The following SEC11A variants were observed in gnomAD, a reference collection of about 807,000 sequenced individuals.
SEC11A encodes SEC11 homolog A, signal peptidase complex subunit, also known as signal peptidase complex catalytic subunit SEC11A.
SEC11A carries 14 observed loss-of-function variants against 25.6 expected under a neutral mutation model. That is an observed-to-expected ratio of 0.55 (90% CI 0.36 to 0.85). SEC11A has a LOEUF of 0.85. SEC11A is among the 40% of genes least tolerant of loss of function. SEC11A has a pLI of 0.01. For missense variants in SEC11A, 153 were observed against 222.9 expected, an observed-to-expected ratio of 0.69 and a Z score of 2.00; for synonymous variants, 83 against 76.4, an observed-to-expected ratio of 1.09 and a Z score of -0.45.
chr15:84,685,224 A>T (rs1406163065), intron 3 of SEC11A, among the ~76,000 whole-genome samples: 1 of 152,014 alleles, frequency 6.6e-6, no homozygotes, highest in Non-Finnish European at 1.5e-5. Context: ...GCAGTTTTAA[A>T]CTTAAGTCTA....
intron 1 of SEC11A, among the ~76,000 whole-genome samples, chr15:84,711,781 CAAAAAA>C (rs60088964): frequency 1.1e-5 from 1 of 93,104 alleles, no homozygotes; most frequent in Admixed American, 1.1e-4. Context: ...GACTCTATCT[CAAAAAA>C]AAAAAAAAAA....
chr15:84,683,025 T>C (rs1016665667), intron 3 of SEC11A, among the ~76,000 whole-genome samples: 1 of 151,986 alleles, frequency 6.6e-6, no homozygotes, highest in African/African-American at 2.4e-5. Context: ...TGGGAGGTGT[T>C]GCAAACACCA....
At chr15:84,698,427 T>C (rs917478476) in intron 1 of SEC11A, among the ~76,000 whole-genome samples, 4 of 152,180 alleles carry the variant, frequency 2.6e-5, no homozygotes. Flanking sequence ...TCTCCTGCTT[T>C]CTAACTCATG....
intron 4 of SEC11A, chr15:84,671,187 A>G (rs1034964949): frequency 1.0e-4 from 16 of 154,056 alleles, no homozygotes; most frequent in Non-Finnish European, 2.9e-5. Flanking sequence ...AAAGTACTTC[A>G]TGTTAAGTGG....
intron 3 of SEC11A, 121 bp from the exon 4 acceptor site, chr15:84,680,953 C>A: frequency 5.3e-6 from 4 of 761,734 alleles, no homozygotes; most frequent in South Asian, 2.8e-5. Flanking sequence ...ATTCTAGTGT[C>A]GAAATAATTA....
intron 3 of SEC11A, among the ~76,000 whole-genome samples, chr15:84,686,275 G>A (rs897239042): frequency 6.6e-6 from 1 of 152,062 alleles, no homozygotes; most frequent in African/African-American, 2.4e-5. Flanking sequence ...AATGTTTATA[G>A]GAATTTCAAA....
intron 2 of SEC11A, among the ~76,000 whole-genome samples, chr15:84,688,535 C>T (rs1337372678): frequency 6.6e-6 from 1 of 152,108 alleles, no homozygotes; most frequent in African/African-American, 2.4e-5. Context: ...AAGAAGTAGC[C>T]CATCAGTCTT....
intron 1 of SEC11A, 63 bp downstream of exon 1, chr15:84,715,962 C>T: frequency 6.6e-7 from 1 of 1,520,726 alleles, no homozygotes; most frequent in South Asian, 1.1e-5. Context: ...TCCGCCGGGC[C>T]CCGCAGCAGC....
rs544180686 is a variant in SEC11A at position 84,687,897 on chromosome 15, A to G, written c.162-123T>C. On this transcript the variant is annotated intron_variant, in intron 2 of 5. Coordinates refer to ENST00000268220, the MANE Select transcript of SEC11A (RefSeq NM_014300.4). ...GAGTATACTCAATACCCTAACAACT[A>G]TATCAACAGAAATGTGTATTGTTCT... 2.2e-4 allele frequency: 172 copies of G among 767,148 alleles called. 1 individual carries two copies. The African/African-American group carries it at 2.9e-3, about 13-fold the overall frequency. The allele number at this position is 767,148 out of a possible 1,614,324, so 47.5% of individuals were successfully genotyped here. A position where few individuals can be genotyped will look rare whatever the true frequency, so the allele number is the denominator to read the frequency against.
At chr15:84,687,431 GA>G (rs1897460780) in intron 3 of SEC11A, among the ~76,000 whole-genome samples, 193 bp downstream of exon 3, 1 of 152,216 alleles carries the variant, frequency 6.6e-6, no homozygotes, top group Non-Finnish European at 1.5e-5. Flanking sequence ...AACCTTCAGG[GA>G]AAGAAATGAA....
intron 2 of SEC11A, among the ~76,000 whole-genome samples, chr15:84,691,225 C>T (rs1204451381): frequency 1.3e-5 from 2 of 151,934 alleles, no homozygotes; most frequent in African/African-American, 4.8e-5. Flanking sequence ...CAGGTCCATG[C>T]CACCACACCC....
At chr15:84,688,882 T>C (rs1188749288) in intron 2 of SEC11A, among the ~76,000 whole-genome samples, 1 of 151,810 alleles carries the variant, frequency 6.6e-6, no homozygotes, top group Non-Finnish European at 1.5e-5. Context: ...AATACAAAAA[T>C]TAGGTGAGCA....
At chr15:84,694,068 G>A (rs1010795148) in intron 1 of SEC11A, among the ~76,000 whole-genome samples, 1 of 151,986 alleles carries the variant, frequency 6.6e-6, no homozygotes, top group Admixed American at 6.6e-5. Flanking sequence ...AGAAAATATG[G>A]AAGAAGCCAG....
chr15:84,670,717 ACT>A lies in SEC11A; in HGVS notation c.489+6_489+7del. On this transcript the variant is annotated splice_donor_region_variant and intron_variant, in intron 5 of 5. Coordinates refer to ENST00000268220, the MANE Select transcript of SEC11A (RefSeq NM_014300.4). ...TTTTTTAATAAAACAAATAATACAG[ACT>A]CTTACCTTAAATTTAGGATAGTCAT... is the stretch of plus-strand genomic sequence containing the variant. 16 of 1,326,240 alleles carry A rather than the reference ACT, an allele frequency of 1.2e-5. No individual in the cohort carries two copies. Among genetic ancestry groups the A allele is most frequent in the Non-Finnish European group, 1.6e-5 (15 of 947,538 alleles). 82.2% of individuals were successfully genotyped at this position (1,326,240 alleles called of 1,614,324 possible).
chr15:84,704,609 C>T (rs1898041332), intron 1 of SEC11A, among the ~76,000 whole-genome samples: 1 of 152,170 alleles, frequency 6.6e-6, no homozygotes, highest in Non-Finnish European at 1.5e-5. Flanking sequence ...CCCAGTGGGT[C>T]TGTGTGTTGG....
chr15:84,708,205 C>CA (rs71132699), intron 1 of SEC11A, among the ~76,000 whole-genome samples: 15,967 of 35,352 alleles, frequency 0.45, 4,920 homozygotes, highest in Non-Finnish European at 0.54. Context: ...GGCTCTGTCT[C>CA]AAAAAAAAAA....
At chr15:84,714,365 A>G (rs1898391289) in intron 1 of SEC11A, among the ~76,000 whole-genome samples, 2 of 152,190 alleles carry the variant, frequency 1.3e-5, no homozygotes, top group Non-Finnish European at 2.9e-5. Context: ...GACATCGACC[A>G]CAGTACAGCC....
intron 1 of SEC11A, among the ~76,000 whole-genome samples, chr15:84,708,205 CAA>C (rs71132699): frequency 1.4e-3 from 50 of 35,412 alleles, no homozygotes; most frequent in Admixed American, 2.5e-3. Context: ...GGCTCTGTCT[CAA>C]AAAAAAAAAA....
chr15:84,702,308 A>C (rs1431301493), intron 1 of SEC11A, among the ~76,000 whole-genome samples: 2 of 144,922 alleles, frequency 1.4e-5, no homozygotes, highest in East Asian at 2.1e-4. Flanking sequence ...TAAAAATACA[A>C]AAATTAGCTG....
Sources: allele counts gnomAD v4.1 joint callset (sites outside exome capture counted in the v4.1 genomes callset), GRCh38; gene constraint gnomAD v4.1.1; transcripts MANE v1.5; gene names NCBI Gene and HGNC (gene_info 2026-07-23, HGNC 2026-07-21).